Variants in KIAA1549L observed in about 807,000 individuals in gnomAD.
KIAA1549L encodes the protein KIAA1549 like.
A neutral mutation model predicts 160.7 loss-of-function variants in KIAA1549L; 88 were observed. The observed-to-expected ratio is 0.55, with a 90% CI of 0.46 to 0.65. The LOEUF is 0.65. KIAA1549L is among the 30% of genes least tolerant of loss of function. The probability of loss-of-function intolerance (pLI) is 0.00; values close to 1 mark genes in which losing one functional copy is unlikely to be tolerated. For synonymous variants in KIAA1549L, 950 were observed against 976.7 expected, an observed-to-expected ratio of 0.97 and a Z score of 0.51; for missense variants, 2,258 against 2,437.5, an observed-to-expected ratio of 0.93 and a Z score of 1.55.
chr11:33,544,829 A>C lies in KIAA1549L; in HGVS notation c.2836A>C (p.Lys946Gln). 1 of 1,612,564 alleles carries C rather than the reference A, an allele frequency of 6.2e-7. No individual in the cohort carries two copies. The highest frequency in any genetic ancestry group is 8.5e-7 in the Non-Finnish European group (1 of 1,178,784). The part of the protein sequence containing the change: ...AAAAVTLFLR[K>Q]SSPPALSAAL... Reference sequence around the variant, plus strand: ...AGCTGCCGTCACATTGTTTCTGAGGAAATCAAGTCCACCTGCACTGTCTGC... The same window carrying C: ...AGCTGCCGTCACATTGTTTCTGAGGCAATCAAGTCCACCTGCACTGTCTGC... The change falls in exon 3 of 21, where the codon AAA becomes CAA. Residue 946 changes from lysine (K) to glutamine (Q), a missense_variant. By Grantham distance (53) the Lys-to-Gln change is moderately conservative. Coordinates refer to ENST00000658780, the MANE Select transcript of KIAA1549L (RefSeq NM_012194.3).
intron 1 of KIAA1549L, among the ~76,000 whole-genome samples, chr11:33,378,696 C>T (rs1054396009): frequency 6.6e-6 from 1 of 152,150 alleles, no homozygotes; most frequent in African/African-American, 2.4e-5. Flanking sequence ...ACCAGCTTCC[C>T]GTGGTCCAGC....
intron 1 of KIAA1549L, among the ~76,000 whole-genome samples, chr11:33,402,070 G>T (rs1045186487): frequency 5.9e-5 from 9 of 152,172 alleles, no homozygotes; most frequent in Non-Finnish European, 1.2e-4. Context: ...GCATCGAGGG[G>T]TCAGTGACTC....
intron 1 of KIAA1549L, among the ~76,000 whole-genome samples, chr11:33,446,118 A>G (rs1486157085): frequency 1.4e-5 from 2 of 145,526 alleles, no homozygotes; most frequent in African/African-American, 5.1e-5. Flanking sequence ...TTTTTGAGAC[A>G]GAGCCTTGCT....
chr11:33,407,080 C>CTTTTTTT (rs1491483483), intron 1 of KIAA1549L, among the ~76,000 whole-genome samples: 1 of 79,578 alleles, frequency 1.3e-5, no homozygotes, highest in Non-Finnish European at 2.4e-5. Context: ...TTTCTTTTTT[C>CTTTTTTT]ATTTTTTTTT....
At chr11:33,594,311 C>G (rs900298109) in intron 12 of KIAA1549L, among the ~76,000 whole-genome samples, 1 of 143,108 alleles carries the variant, frequency 7.0e-6, no homozygotes, top group African/African-American at 2.5e-5. Context: ...AAACAACAAC[C>G]ATTTTTTTTT....
At chr11:33,438,149 A>G (rs1389413257) in intron 1 of KIAA1549L, among the ~76,000 whole-genome samples, 2 of 152,230 alleles carry the variant, frequency 1.3e-5, no homozygotes, top group Non-Finnish European at 2.9e-5. Flanking sequence ...ATACTACTTC[A>G]AGAGAGATAG....
intron 15 of KIAA1549L, among the ~76,000 whole-genome samples, chr11:33,615,551 G>T (rs1418999739): frequency 6.6e-6 from 1 of 151,826 alleles, no homozygotes; most frequent in African/African-American, 2.4e-5. Flanking sequence ...TTACATAGAT[G>T]CTTGCACACC....
Position 33,597,532 on chromosome 11 carries a change from G to T in KIAA1549L, c.4752-1288G>T, listed in dbSNP as rs11826039. 7.3e-3 allele frequency among the ~76,000 whole-genome samples: 1,105 copies of T among 152,280 alleles called. 22 individuals are homozygous for T. The highest frequency in any genetic ancestry group is 0.025 in the African/African-American group (1,038 of 41,548). On this transcript the variant is annotated intron_variant, in intron 12 of 20. Transcript: ENST00000658780. The stretch of plus-strand genomic sequence containing the variant: ...TAGATGTCATTATTTTCTAAATCTG[G>T]ACGATTGACAATAGAAGAACAGAGG...
intron 16 of KIAA1549L, among the ~76,000 whole-genome samples, chr11:33,618,905 C>T (rs535137486): frequency 1.3e-4 from 20 of 152,288 alleles, no homozygotes; most frequent in East Asian, 1.2e-3. Context: ...TAGCACATTA[C>T]GGACTTTAAA....
chr11:33,636,091 A>G (rs544012758), intron 16 of KIAA1549L, among the ~76,000 whole-genome samples: 9 of 152,202 alleles, frequency 5.9e-5, no homozygotes, highest in East Asian at 1.9e-4. Flanking sequence ...GATAATGTCT[A>G]TGCTACCCAG....
chr11:33,590,724 A>G (rs1468424579), intron 11 of KIAA1549L, among the ~76,000 whole-genome samples: 6 of 152,232 alleles, frequency 3.9e-5, no homozygotes, highest in Admixed American at 3.9e-4. Context: ...AGGGTGGTAG[A>G]AGTAAAGCAG....
chr11:33,489,622 C>T (rs1852610663), intron 1 of KIAA1549L, among the ~76,000 whole-genome samples: 1 of 152,180 alleles, frequency 6.6e-6, no homozygotes, highest in Admixed American at 6.5e-5. Flanking sequence ...CCATCTTCAT[C>T]CCATGGTTTC....
chr11:33,513,252 A>C (rs994314624), intron 1 of KIAA1549L, among the ~76,000 whole-genome samples: 1 of 152,244 alleles, frequency 6.6e-6, no homozygotes, highest in Non-Finnish European at 1.5e-5. Flanking sequence ...ATTTGGTGGT[A>C]GAGAGTGGAG....
chr11:33,404,368 T>C (rs533362238), intron 1 of KIAA1549L, among the ~76,000 whole-genome samples: 1 of 151,728 alleles, frequency 6.6e-6, no homozygotes, highest in Admixed American at 6.6e-5. Context: ...CTACTAAAGA[T>C]ACAAAATTAG....
chr11:33,667,849 C>T (rs1380370051), intron 20 of KIAA1549L, 24 bp from the exon 21 acceptor site: 1 of 1,591,618 alleles, frequency 6.3e-7, no homozygotes, highest in South Asian at 1.1e-5. Context: ...AGGCCCTGTC[C>T]TTCTCTCCCC....
chr11:33,394,856 C>A (rs888505401), intron 1 of KIAA1549L, among the ~76,000 whole-genome samples: 2 of 152,214 alleles, frequency 1.3e-5, no homozygotes, highest in Admixed American at 1.3e-4. Flanking sequence ...CCAAGGCTGC[C>A]CTGCTTGTCT....
At chr11:33,618,311 G>T (rs2133349464) in intron 15 of KIAA1549L, among the ~76,000 whole-genome samples, 1 of 151,932 alleles carries the variant, frequency 6.6e-6, no homozygotes, top group Non-Finnish European at 1.5e-5. Flanking sequence ...CCATATGAAA[G>T]AACACTTAAC....
At chr11:33,544,521 G>A (rs1854167274) in intron 2 of KIAA1549L, among the ~76,000 whole-genome samples, 185 bp downstream of exon 2, 1 of 152,178 alleles carries the variant, frequency 6.6e-6, no homozygotes, top group Non-Finnish European at 1.5e-5. Context: ...GCCCACCTGA[G>A]CTTTCGAAAC....
chr11:33,549,461 G>A (rs1854380681), intron 4 of KIAA1549L, among the ~76,000 whole-genome samples: 1 of 152,200 alleles, frequency 6.6e-6, no homozygotes, highest in South Asian at 2.1e-4. Flanking sequence ...TAGAAGGGTT[G>A]AAAGGGAACA....
Sources: allele counts gnomAD v4.1 joint callset (sites outside exome capture counted in the v4.1 genomes callset), GRCh38; gene constraint gnomAD v4.1.1; transcripts MANE v1.5; gene names NCBI Gene and HGNC (gene_info 2026-07-23, HGNC 2026-07-21).